The following NAV2 variants were observed in gnomAD, a reference collection of about 807,000 sequenced individuals.
The protein encoded by NAV2 is helicase, APC down-regulated 1.
In NAV2, 54 loss-of-function variants were observed where a neutral mutation model predicts 223.2. That is an observed-to-expected ratio of 0.24 (90% confidence interval 0.19 to 0.30). The LOEUF is 0.30. Among genes scored for constraint, NAV2 ranks in the 10% least tolerant of loss-of-function variants. The probability of loss-of-function intolerance (pLI) is 1.00; values close to 1 mark genes in which losing one functional copy is unlikely to be tolerated. For missense variants in NAV2, 2,806 were observed against 3,147.5 expected (o/e 0.89, Z 2.60); for synonymous variants, 1,279 against 1,239.3 (o/e 1.03, Z -0.67).
rs926223467 is a variant in NAV2, at chr11:19,998,271, TTC to T, written c.2768+14033_2768+14034del. Among the ~76,000 whole-genome samples, 7 of 151,984 alleles carry T rather than the reference TTC, an allele frequency of 4.6e-5. No homozygotes were observed. The highest frequency in any genetic ancestry group is 4.2e-4 in the South Asian group (2 of 4,794). Reference sequence around the variant, plus strand: ...TCTGTGTTTCTCCCTGTCTCTCTGCTTCTCTCTCTCCCTCTCTCCGCCCACCT... The same window carrying T: ...TCTGTGTTTCTCCCTGTCTCTCTGCTTCTCTCTCCCTCTCTCCGCCCACCT... On this transcript the variant is annotated intron_variant, in intron 11 of 37. Coordinates refer to ENST00000349880, the MANE Select transcript of NAV2 (RefSeq NM_145117.5). This position sits in a 1 kb window ranked among gnomAD's most constrained non-coding sequence, Gnocchi z 5.0.
At chr11:19,616,824 G>C (rs1737978818) in intron 1 of NAV2, among the ~76,000 whole-genome samples, 1 of 152,024 alleles carries the variant, frequency 6.6e-6, no homozygotes, top group African/African-American at 2.4e-5. Flanking sequence ...TTTTTATGCT[G>C]AATTGAGGCT....
intron 24 of NAV2, 77 bp downstream of exon 24, chr11:20,078,181 A>G (rs2059880000): frequency 2.0e-6 from 2 of 994,634 alleles, no homozygotes; most frequent in Non-Finnish European, 3.1e-6. Flanking sequence ...ATATGATGCA[A>G]CCTCCTTGCT....
chr11:20,040,988 T>C (rs2056866311), intron 12 of NAV2, among the ~76,000 whole-genome samples: 1 of 152,192 alleles, frequency 6.6e-6, no homozygotes, highest in Non-Finnish European at 1.5e-5. Context: ...ATGATTGTTC[T>C]TTCCAGAGAG....
At chr11:19,924,801 C>G (rs924502687) in intron 6 of NAV2, among the ~76,000 whole-genome samples, 3 of 152,128 alleles carry the variant, frequency 2.0e-5, no homozygotes, top group African/African-American at 7.2e-5. Context: ...TAATTTTGAG[C>G]GCTGTGGAGA....
At position 19,530,863 on chromosome 11, in the gene NAV2, G is replaced by A. The variant is rs551166782; in HGVS notation, c.75+179836G>A. On this transcript the variant is annotated intron_variant, in intron 1 of 37. Transcript: ENST00000360655. ...CTGAGAGTTTAAATGAATCTGCCAA[G>A]TCCCACAGCCACGAAGTAGTATATT... Among the ~76,000 whole-genome samples the A allele has an allele frequency of 2.6e-5, 4 of 152,310 alleles. No homozygotes were observed. In the East Asian group the frequency reaches 5.8e-4, roughly 22 times the overall value.
At chr11:19,993,609 A>G (rs752001241) in intron 11 of NAV2, among the ~76,000 whole-genome samples, 2 of 151,662 alleles carry the variant, frequency 1.3e-5, no homozygotes, top group Non-Finnish European at 2.9e-5. Context: ...ACGCCTTATC[A>G]TGCAGTTCAT....
chr11:20,056,512 T>G, intron 19 of NAV2: 2 of 1,566,574 alleles, frequency 1.3e-6, no homozygotes, highest in Non-Finnish European at 1.8e-6. Context: ...ATTTTTATGT[T>G]TGGTTCATTT....
At chr11:19,977,040 C>T (rs1591504420) in intron 10 of NAV2, among the ~76,000 whole-genome samples, 1 of 152,108 alleles carries the variant, frequency 6.6e-6, no homozygotes, top group African/African-American at 2.4e-5. Flanking sequence ...AGTAGGAAAT[C>T]GCATAAAGGG....
intron 22 of NAV2, among the ~76,000 whole-genome samples, chr11:20,070,575 A>G: frequency 6.6e-6 from 1 of 152,164 alleles, no homozygotes; most frequent in Non-Finnish European, 1.5e-5. Context: ...GTTTTAAAGT[A>G]AATATTTAGT....
Position 20,121,347 on chromosome 11 carries a change from A to C in NAV2, c.*3089A>C, listed in dbSNP as rs971228433. The C allele has an allele frequency of 1.2e-4, 18 of 152,454 alleles. No homozygotes were observed. The highest frequency in any genetic ancestry group is 4.4e-4 in the African/African-American group (18 of 41,354). 9.4% of individuals were successfully genotyped at this position (152,454 alleles called of 1,614,324 possible). On this transcript the variant is annotated 3_prime_UTR_variant, in exon 38 of 38. Transcript: ENST00000349880. ...TGATTAAAGTGCTGCATTTTGATGAATTTTTTCTAGCCATTTTTAAAGAGA... is the reference window on the plus strand; with the variant it reads ...TGATTAAAGTGCTGCATTTTGATGACTTTTTTCTAGCCATTTTTAAAGAGA...
At chr11:19,620,042 T>A (rs1205862137) in intron 1 of NAV2, among the ~76,000 whole-genome samples, 1 of 152,240 alleles carries the variant, frequency 6.6e-6, no homozygotes, top group African/African-American at 2.4e-5. Context: ...CTTGTTTTTG[T>A]CAGGTTTGTC....
chr11:19,756,407 T>C (rs2054233653), intron 1 of NAV2, among the ~76,000 whole-genome samples: 1 of 152,182 alleles, frequency 6.6e-6, no homozygotes, highest in Admixed American at 6.5e-5. Flanking sequence ...TTCAGACCAG[T>C]ACAGGACCAG....
chr11:20,048,623 C>T, intron 14 of NAV2, 105 bp from the exon 15 acceptor site: 2 of 961,112 alleles, frequency 2.1e-6, no homozygotes, highest in South Asian at 1.6e-5. Context: ...GCTGTGCTTC[C>T]TTCCCCAGGA....
At chr11:19,408,118 C>T (rs1210204756) in intron 1 of NAV2, among the ~76,000 whole-genome samples, 1 of 152,140 alleles carries the variant, frequency 6.6e-6, no homozygotes, top group African/African-American at 2.4e-5. Flanking sequence ...ACCCTGGTAC[C>T]CACTGAGCGG....
intron 26 of NAV2, 65 bp downstream of exon 26, chr11:20,083,244 C>A: frequency 2.2e-6 from 3 of 1,360,502 alleles, no homozygotes; most frequent in Non-Finnish European, 3.1e-6. Context: ...GTAGGAATGG[C>A]TAGGAGTCCT....
chr11:19,843,611 TCAAAA>T (rs1239144081), intron 3 of NAV2, among the ~76,000 whole-genome samples: 3 of 152,254 alleles, frequency 2.0e-5, no homozygotes, highest in East Asian at 3.9e-4. Context: ...GTTTTTCACT[TCAAAA>T]CAAATTTCAA....
At chr11:19,497,571 GTCCC>G (rs2042836968) in intron 1 of NAV2, among the ~76,000 whole-genome samples, 1 of 152,060 alleles carries the variant, frequency 6.6e-6, no homozygotes, top group Non-Finnish European at 1.5e-5. Flanking sequence ...TCAGTATATT[GTCCC>G]TACTCATCCA....
At chr11:19,964,836 T>TTTTTTGATGG (rs2048632275) in intron 10 of NAV2, among the ~76,000 whole-genome samples, 1 of 143,766 alleles carries the variant, frequency 7.0e-6, no homozygotes, top group Non-Finnish European at 1.5e-5. Flanking sequence ...TTTTTTTTTT[T>TTTTTTGATGG]GAGATGGAGT....
chr11:19,893,662 G>A (rs1331187949), intron 6 of NAV2, among the ~76,000 whole-genome samples: 1 of 152,192 alleles, frequency 6.6e-6, no homozygotes, highest in East Asian at 1.9e-4. Context: ...AGGGCTGACA[G>A]ATGTGTATGG....
Sources: allele counts gnomAD v4.1 joint callset (sites outside exome capture counted in the v4.1 genomes callset), GRCh38; gene constraint gnomAD v4.1.1; non-coding constraint Gnocchi (gnomAD v3.1); transcripts MANE v1.5; gene names NCBI Gene and HGNC (gene_info 2026-07-23, HGNC 2026-07-21).